NEK7: variants seen among roughly 807,000 people sequenced by gnomAD.
The protein encoded by NEK7 is serine/threonine-protein kinase Nek7.
A neutral mutation model predicts 44.6 loss-of-function variants in NEK7; 18 were observed. The ratio of observed to expected loss-of-function variants is 0.40; its 90% CI spans 0.28 to 0.60. The LOEUF (loss-of-function observed/expected upper bound fraction) is 0.60. Among genes scored for constraint, NEK7 ranks in the 20% least tolerant of loss-of-function variants. The pLI is 0.38. For synonymous variants in NEK7, 130 were observed against 121.1 expected (o/e 1.07, Z -0.48); for missense variants, 256 against 366.5 (o/e 0.70, Z 2.46).
At chr1:198,185,224 G>T (rs1664884886) in intron 1 of NEK7, among the ~76,000 whole-genome samples, 1 of 122,868 alleles carries the variant, frequency 8.1e-6, no homozygotes. Context: ...GGTCAGAAGA[G>T]AGGCTTTTTG....
chr1:198,298,289 AT>A (rs1250215154), intron 9 of NEK7, among the ~76,000 whole-genome samples: 5 of 152,204 alleles, frequency 3.3e-5, no homozygotes, highest in Admixed American at 6.5e-5. Context: ...TCTTAGTATT[AT>A]GTAAGGAAAT....
rs140168604 is a variant in NEK7 at position 198,295,896 on chromosome 1, A to G, written c.685-1231A>G. On this transcript the variant is annotated intron_variant, in intron 8 of 9. Transcript: ENST00000367385. ...GTTTTATATGATTAGGGGCATTCAG[A>G]TTGTTTTTAACTTTTTTCTCGTCAT... 6.0e-3 allele frequency among the ~76,000 whole-genome samples: 874 copies of G among 146,540 alleles called. 6 individuals carry two copies. Among genetic ancestry groups the G allele is most frequent in the Non-Finnish European group, 0.01 (676 of 67,062 alleles).
rs748284573 is a variant in NEK7 at position 198,297,110 on chromosome 1, T to C, written c.685-17T>C. On this transcript the variant is annotated splice_polypyrimidine_tract_variant and intron_variant, in intron 8 of 9. Coordinates refer to ENST00000367385, the MANE Select transcript of NEK7 (RefSeq NM_133494.3). The stretch of plus-strand genomic sequence containing the variant: ...TTACCATCTAACTATATCAGTTTCA[T>C]TGGGGGCATTTTACAGATGGCTGCA... 2.4e-5 allele frequency: 37 copies of C among 1,516,348 alleles called. 1 individual carries two copies. Among genetic ancestry groups the C allele is most frequent in the East Asian group, 9.0e-5 (4 of 44,292 alleles). 93.9% of individuals were successfully genotyped at this position (1,516,348 alleles called of 1,614,324 possible).
At chr1:198,227,155 G>A (rs1666251187) in intron 1 of NEK7, among the ~76,000 whole-genome samples, 1 of 152,114 alleles carries the variant, frequency 6.6e-6, no homozygotes, top group East Asian at 1.9e-4. Context: ...TGCTGAGAAT[G>A]ATGGTTTCCA....
intron 1 of NEK7, among the ~76,000 whole-genome samples, chr1:198,167,729 C>T (rs1270819738): frequency 6.6e-6 from 1 of 152,160 alleles, no homozygotes; most frequent in Non-Finnish European, 1.5e-5. Flanking sequence ...TTACCATTAC[C>T]TACCTGTAGT....
intron 7 of NEK7, among the ~76,000 whole-genome samples, chr1:198,281,419 G>A (rs1404115990): frequency 6.6e-6 from 1 of 151,748 alleles, no homozygotes; most frequent in Non-Finnish European, 1.5e-5. Flanking sequence ...ATTTTACTGA[G>A]GATACAATCT....
In NEK7 at chr1:198,275,806, G is replaced by A. The variant is rs1654000861; in HGVS notation, c.373-2155G>A. 2.0e-5 allele frequency among the ~76,000 whole-genome samples: 3 copies of A among 150,710 alleles called. No homozygotes were observed. The South Asian group carries it at 6.3e-4, about 32-fold the overall frequency. ...ACAGTGCCACCATCAGAACAGACAGGCTTTTCTCATTTTAAGTGTTGGTTT... is the reference window on the plus strand; with the variant it reads ...ACAGTGCCACCATCAGAACAGACAGACTTTTCTCATTTTAAGTGTTGGTTT... On this transcript the variant is annotated intron_variant, in intron 5 of 9. Coordinates refer to ENST00000367385, the MANE Select transcript of NEK7 (RefSeq NM_133494.3).
At chr1:198,315,017 C>T (rs879466884) in intron 9 of NEK7, among the ~76,000 whole-genome samples, 2 of 152,118 alleles carry the variant, frequency 1.3e-5, no homozygotes, top group Admixed American at 6.5e-5. Flanking sequence ...CAATGGCGGG[C>T]GCCCCTCCCC....
chr1:198,252,888 C>T, intron 2 of NEK7, 152 bp from the exon 3 acceptor site: 1 of 610,524 alleles, frequency 1.6e-6, no homozygotes, highest in Non-Finnish European at 2.9e-6. Flanking sequence ...AGGACAGTGC[C>T]TGGCATAAGT....
chr1:198,195,307 A>G (rs757762236), intron 1 of NEK7, among the ~76,000 whole-genome samples: 20 of 152,260 alleles, frequency 1.3e-4, no homozygotes, highest in Non-Finnish European at 2.4e-4. Flanking sequence ...GAAACATTTT[A>G]AATGCATTTG....
rs115668731 is a variant in NEK7 at position 198,231,009 on chromosome 1, A to G, written c.-28-1544A>G. 2.5e-3 allele frequency among the ~76,000 whole-genome samples: 381 copies of G among 152,010 alleles called. 1 individual carries two copies. Among genetic ancestry groups the G allele is most frequent in the African/African-American group, 8.9e-3 (368 of 41,544 alleles). On this transcript the variant is annotated intron_variant, in intron 1 of 9. Transcript: ENST00000367385. ...GATCTTTAAGGTCAACGTAATCCCA[A>G]TCAAAATCCCAGCAGTGTTTTTTTA...
chr1:198,232,732 A>G, intron 2 of NEK7, 95 bp downstream of exon 2: 1 of 694,146 alleles, frequency 1.4e-6, no homozygotes, highest in Non-Finnish European at 2.4e-6. Flanking sequence ...TAGGAAATAA[A>G]GTAGCACAAA....
At chr1:198,212,527 G>A (rs191003692) in intron 1 of NEK7, among the ~76,000 whole-genome samples, 28 of 152,240 alleles carry the variant, frequency 1.8e-4, no homozygotes, top group Non-Finnish European at 3.8e-4. Flanking sequence ...ACATTACCCC[G>A]CCAGCAGCCA....
chr1:198,273,351 A>G (rs1438301512), intron 5 of NEK7, among the ~76,000 whole-genome samples: 1 of 151,738 alleles, frequency 6.6e-6, no homozygotes. Context: ...AATTTCCCAC[A>G]ATTATGTATA....
chr1:198,235,553 ATGG>A (rs1026169377), intron 2 of NEK7, among the ~76,000 whole-genome samples: 2 of 152,170 alleles, frequency 1.3e-5, no homozygotes, highest in African/African-American at 4.8e-5. Flanking sequence ...CTGTATAAAG[ATGG>A]TGGTTGGGAA....
intron 1 of NEK7, among the ~76,000 whole-genome samples, chr1:198,193,550 A>G (rs1446902643): frequency 2.0e-5 from 3 of 152,236 alleles, no homozygotes; most frequent in South Asian, 2.1e-4. Flanking sequence ...CATCAATGCA[A>G]AAATCCTCAG....
chr1:198,259,621 C>CTG (rs905370043), intron 3 of NEK7, among the ~76,000 whole-genome samples: 11 of 152,038 alleles, frequency 7.2e-5, no homozygotes, highest in Admixed American at 6.6e-5. Flanking sequence ...TGCAAGTAGT[C>CTG]TGTGTGTGTG....
chr1:198,278,230 GGTTT>G (rs1413957430), intron 6 of NEK7, among the ~76,000 whole-genome samples, 161 bp downstream of exon 6: 28 of 148,746 alleles, frequency 1.9e-4, no homozygotes, highest in African/African-American at 6.6e-4. Flanking sequence ...AGCACTACTA[GGTTT>G]TAAATAAGAA....
intron 1 of NEK7, among the ~76,000 whole-genome samples, chr1:198,191,719 T>A (rs902255019): frequency 1.3e-5 from 2 of 152,122 alleles, no homozygotes; most frequent in Admixed American, 6.6e-5. Flanking sequence ...AAGAAATACT[T>A]GTCTATTTTC....
Sources: allele counts gnomAD v4.1 joint callset (sites outside exome capture counted in the v4.1 genomes callset), GRCh38; gene constraint gnomAD v4.1.1; transcripts MANE v1.5; gene names NCBI Gene and HGNC (gene_info 2026-07-23, HGNC 2026-07-21).